GREM2: variants seen among roughly 807,000 people sequenced by gnomAD.
GREM2 encodes gremlin-2.
GREM2 carries 11 observed loss-of-function variants against 14.2 expected under a neutral mutation model. The observed-to-expected ratio is 0.78, with a 90% CI of 0.49 to 1.28. The LOEUF is 1.28. GREM2 is among the 50% of genes most tolerant of loss of function. The pLI, the probability that GREM2 is intolerant of heterozygous loss-of-function variation, is 0.00. For synonymous variants in GREM2, 98 were observed against 97.6 expected (o/e 1.00, Z -0.02); for missense variants, 210 against 218.5 (o/e 0.96, Z 0.24).
At chr1:240,554,479 C>T (rs971670363) in intron 1 of GREM2, among the ~76,000 whole-genome samples, 1 of 151,158 alleles carries the variant, frequency 6.6e-6, no homozygotes, top group Admixed American at 6.6e-5. Flanking sequence ...TATGTATATA[C>T]ATATTTTTTG....
chr1:240,564,876 G>A (rs571397330), intron 1 of GREM2, among the ~76,000 whole-genome samples: 5 of 152,182 alleles, frequency 3.3e-5, no homozygotes, highest in Admixed American at 2.6e-4. Context: ...TTGGAGCTAC[G>A]TTTTCTTTGG....
intron 1 of GREM2, among the ~76,000 whole-genome samples, chr1:240,516,407 C>T (rs952424514): frequency 2.6e-5 from 4 of 152,174 alleles, no homozygotes; most frequent in African/African-American, 9.7e-5. Flanking sequence ...CAAAATGAGG[C>T]ATTAAATGGA....
chr1:240,570,989 T>C (rs979756784), intron 1 of GREM2, among the ~76,000 whole-genome samples: 1 of 152,188 alleles, frequency 6.6e-6, no homozygotes, highest in Admixed American at 6.5e-5. Flanking sequence ...TACCTACATA[T>C]TGAAATCACA....
intron 1 of GREM2, among the ~76,000 whole-genome samples, chr1:240,558,277 A>T (rs1678985425): frequency 6.6e-6 from 1 of 152,162 alleles, no homozygotes; most frequent in Non-Finnish European, 1.5e-5. Flanking sequence ...AAACTTTGAT[A>T]GTAATTGCCT....
intron 1 of GREM2, among the ~76,000 whole-genome samples, chr1:240,563,315 GAAGACTTGTGACCA>G (rs1679112204): frequency 6.6e-6 from 1 of 152,134 alleles, no homozygotes. Context: ...AAAAAAATAT[GAAGACTTGTGACCA>G]GAGAATGCAA....
chr1:240,560,078 G>A (rs531928661), intron 1 of GREM2, among the ~76,000 whole-genome samples: 4 of 152,260 alleles, frequency 2.6e-5, no homozygotes, highest in Admixed American at 2.0e-4. Flanking sequence ...TTGAGTCCAA[G>A]AGTTCAAGAC....
chr1:240,605,151 T>A (rs959844200), intron 1 of GREM2, among the ~76,000 whole-genome samples: 3 of 152,162 alleles, frequency 2.0e-5, no homozygotes, highest in Admixed American at 2.0e-4. Flanking sequence ...TGCGTCAGGT[T>A]ATAAATGACC....
rs1678605027 is a variant in GREM2, at chr1:240,542,186, C to T, written c.-1-48710G>A. On this transcript the variant is annotated intron_variant, in intron 1 of 1. Transcript: ENST00000318160. The surrounding 1 kb of genome is among the most constrained non-coding windows in gnomAD (Gnocchi z 4.1). The stretch of plus-strand genomic sequence containing the variant: ...GACAAAACACCATCCTGTCCCTTGT[C>T]AACAGCATCAATATTGAGAAACCAT... Among the ~76,000 whole-genome samples, 1 of 152,130 alleles carries T rather than the reference C, an allele frequency of 6.6e-6. No homozygotes were observed. The highest frequency in any genetic ancestry group is 2.4e-5 in the African/African-American group (1 of 41,426).
At chr1:240,506,487 G>A (rs1049369967) in intron 1 of GREM2, among the ~76,000 whole-genome samples, 1 of 152,094 alleles carries the variant, frequency 6.6e-6, no homozygotes, top group Non-Finnish European at 1.5e-5. Context: ...ACAAATTAGA[G>A]TGCAAATTCA....
rs528612995 is a variant in GREM2, at chr1:240,601,220, G to A, written c.-2+10664C>T. On this transcript the variant is annotated intron_variant, in intron 1 of 1. Transcript: ENST00000318160. Reference sequence around the variant, plus strand: ...TGAAAAGCATTATCTCACATAATTCGTAAGACAGCGCTATACAACTTCAGA... The same window carrying A: ...TGAAAAGCATTATCTCACATAATTCATAAGACAGCGCTATACAACTTCAGA... Among the ~76,000 whole-genome samples the A allele has an allele frequency of 6.4e-4, 97 of 152,234 alleles. 1 individual carries two copies. The highest frequency in any genetic ancestry group is 2.2e-3 in the African/African-American group (93 of 41,538).
chr1:240,547,304 T>C (rs927444441), intron 1 of GREM2, among the ~76,000 whole-genome samples: 13 of 151,622 alleles, frequency 8.6e-5, no homozygotes, highest in Non-Finnish European at 8.8e-5. Context: ...ATCAAGACCA[T>C]CCTGGCTAAC....
rs1321346161 is a variant in GREM2 at position 240,543,558 on chromosome 1, T to C, written c.-1-50082A>G. Reference sequence around the variant, plus strand: ...GGCCTTGCCCATGAAACATGGGGATTATTACAATTCAAGGTGAGATTTGGG... The same window carrying C: ...GGCCTTGCCCATGAAACATGGGGATCATTACAATTCAAGGTGAGATTTGGG... On this transcript the variant is annotated intron_variant, in intron 1 of 1. Transcript: ENST00000318160. The surrounding 1 kb of genome is among the most constrained non-coding windows in gnomAD (Gnocchi z 6.4). Among the ~76,000 whole-genome samples, 4 of 152,192 alleles carry C rather than the reference T, an allele frequency of 2.6e-5. No homozygotes were observed. The highest frequency in any genetic ancestry group is 5.9e-5 in the Non-Finnish European group (4 of 68,038).
At chr1:240,508,361 G>A (rs1224341863) in intron 1 of GREM2, among the ~76,000 whole-genome samples, 1 of 152,202 alleles carries the variant, frequency 6.6e-6, no homozygotes, top group Non-Finnish European at 1.5e-5. Context: ...TGGGAGGTTA[G>A]GAGAATCAGT....
intron 1 of GREM2, among the ~76,000 whole-genome samples, chr1:240,594,441 C>A (rs1427591327): frequency 6.6e-6 from 1 of 152,018 alleles, no homozygotes; most frequent in Non-Finnish European, 1.5e-5. Flanking sequence ...GGAAATAAAC[C>A]AGGAAAGAAT....
At chr1:240,508,663 T>A (rs1257417530) in intron 1 of GREM2, among the ~76,000 whole-genome samples, 1 of 152,230 alleles carries the variant, frequency 6.6e-6, no homozygotes, top group Non-Finnish European at 1.5e-5. Flanking sequence ...ACACAAGTAT[T>A]GGCACATTTT....
intron 1 of GREM2, among the ~76,000 whole-genome samples, chr1:240,562,708 C>CGT (rs10643403): frequency 0.28 from 42,636 of 150,390 alleles, 6,090 homozygotes; most frequent in East Asian, 0.38. Flanking sequence ...ACAGGATTGC[C>CGT]GTGTGTGTGT....
intron 1 of GREM2, among the ~76,000 whole-genome samples, chr1:240,562,690 G>A (rs564250327): frequency 6.6e-6 from 1 of 151,772 alleles, no homozygotes; most frequent in East Asian, 1.9e-4. Flanking sequence ...ATAGAAATGT[G>A]GGGCACTACA....
intron 1 of GREM2, among the ~76,000 whole-genome samples, chr1:240,535,414 G>A (rs1227239886): frequency 6.6e-6 from 1 of 152,096 alleles, no homozygotes; most frequent in Non-Finnish European, 1.5e-5. Context: ...TTGTAAAGAA[G>A]AAAGATAGTA....
chr1:240,524,021 C>CT (rs980818939), intron 1 of GREM2, among the ~76,000 whole-genome samples: 3 of 151,792 alleles, frequency 2.0e-5, no homozygotes, highest in African/African-American at 7.3e-5. Flanking sequence ...TTTTGATTGA[C>CT]TTTTTTTTAA....
Sources: allele counts gnomAD v4.1 joint callset (sites outside exome capture counted in the v4.1 genomes callset), GRCh38; gene constraint gnomAD v4.1.1; non-coding constraint Gnocchi (gnomAD v3.1); transcripts MANE v1.5; gene names NCBI Gene and HGNC (gene_info 2026-07-23, HGNC 2026-07-21).